The following PTPRQ variants were observed in gnomAD, a reference collection of about 807,000 sequenced individuals.
The protein encoded by PTPRQ is protein tyrosine phosphatase receptor type Q.
A neutral mutation model predicts 246.0 loss-of-function variants in PTPRQ; 199 were observed. The ratio of observed to expected loss-of-function variants is 0.81; its 90% CI spans 0.72 to 0.91. PTPRQ has a LOEUF of 0.91. PTPRQ is among the 40% of genes least tolerant of loss of function. The pLI is 0.00. For synonymous variants in PTPRQ, 869 were observed against 853.2 expected, an observed-to-expected ratio of 1.02 and a Z score of -0.32; for missense variants, 2,624 against 2,528.4, an observed-to-expected ratio of 1.04 and a Z score of -0.81.
At chr12:80,510,091 A>G (rs1409535479) in intron 16 of PTPRQ, among the ~76,000 whole-genome samples, 3 of 151,986 alleles carry the variant, frequency 2.0e-5, no homozygotes, top group Non-Finnish European at 4.4e-5. Flanking sequence ...CTTCTTTCTC[A>G]TGAAATATTT....
At position 80,472,089 on chromosome 12, in the gene PTPRQ, CT is replaced by C. The variant is rs1565728329; in HGVS notation, c.1040-14del. On this transcript the variant is annotated splice_polypyrimidine_tract_variant and intron_variant, in intron 7 of 44. Coordinates refer to ENST00000644991, the MANE Select transcript of PTPRQ (RefSeq NM_001145026.2). ...TTGATAAAAAATAATCCATAGCTAT[CT>C]TCCACTTTTTGCAGGTCGCATTTTG... 4 of 1,550,810 alleles carry C rather than the reference CT, an allele frequency of 2.6e-6. No individual in the cohort carries two copies. In the South Asian group the frequency reaches 3.6e-5, roughly 14 times the overall value.
chr12:80,621,871 C>T (rs905613113), intron 32 of PTPRQ, among the ~76,000 whole-genome samples, 190 bp from the exon 33 acceptor site: 4 of 151,898 alleles, frequency 2.6e-5, no homozygotes, highest in East Asian at 1.9e-4. Context: ...GGTCAAAGTA[C>T]GAGATAATTA....
intron 26 of PTPRQ, among the ~76,000 whole-genome samples, chr12:80,593,235 G>A (rs1897861666): frequency 6.6e-6 from 1 of 151,980 alleles, no homozygotes. Flanking sequence ...TGATTAATGG[G>A]TAGTTTGAAA....
Position 80,496,470 on chromosome 12 carries a change from C to A in PTPRQ, c.2211C>A (p.Tyr737Ter), listed in dbSNP as rs1300987237. ...HTLYNISVRS[Y>*]TRFGHGNQVS... is the part of the protein sequence containing the mutation. Reference sequence around the variant, plus strand: ...TCTATAACATTTCTGTAAGGTCTTACACCAGATTTGGTCATGGCAATCAGG... The same window carrying A: ...TCTATAACATTTCTGTAAGGTCTTAAACCAGATTTGGTCATGGCAATCAGG... The change falls in exon 14 of 45, where the codon TAC (tyrosine) becomes TAA (stop). Residue 737 changes from tyrosine (Y) to a stop codon, truncating the protein, a stop_gained. Coordinates refer to ENST00000644991, the MANE Select transcript of PTPRQ (RefSeq NM_001145026.2). LOFTEE classifies it high-confidence loss of function. 3.2e-6 allele frequency: 5 copies of A among 1,550,428 alleles called. No homozygotes were observed. The Admixed American group carries it at 7.9e-5, about 24-fold the overall frequency.
chr12:80,563,840 G>A (rs997741825), intron 25 of PTPRQ, among the ~76,000 whole-genome samples: 2 of 152,094 alleles, frequency 1.3e-5, no homozygotes, highest in Admixed American at 6.5e-5. Flanking sequence ...CTATTTTGCC[G>A]TCTCTGACAT....
intron 17 of PTPRQ, among the ~76,000 whole-genome samples, chr12:80,523,588 G>T (rs147202139): frequency 1.3e-5 from 2 of 152,302 alleles, no homozygotes; most frequent in South Asian, 2.1e-4. Flanking sequence ...TGGTTTCAAA[G>T]AACATCTTTA....
intron 6 of PTPRQ, chr12:80,465,075 T>C (rs1893341336): frequency 8.0e-6 from 1 of 125,050 alleles, no homozygotes; most frequent in African/African-American, 3.1e-5. Context: ...AGCTGGTTTT[T>C]TGAAAGGATC....
At chr12:80,614,184 A>G (rs181988384) in intron 29 of PTPRQ, among the ~76,000 whole-genome samples, 70 of 150,944 alleles carry the variant, frequency 4.6e-4, no homozygotes, top group Non-Finnish European at 5.2e-4. Context: ...TTAAAATGGA[A>G]AAGCAAATTT....
chr12:80,545,947 T>C (rs1896291475), intron 23 of PTPRQ, among the ~76,000 whole-genome samples: 1 of 151,906 alleles, frequency 6.6e-6, no homozygotes, highest in African/African-American at 2.4e-5. Flanking sequence ...TTGCAGACTG[T>C]AATTATGCAA....
chr12:80,454,431 T>C, intron 3 of PTPRQ: 2 of 658,164 alleles, frequency 3.0e-6, no homozygotes, highest in South Asian at 1.5e-5. Context: ...GTACCTCAGA[T>C]GGAAATGCAG....
At chr12:80,603,299 T>C (rs925770929) in intron 26 of PTPRQ, among the ~76,000 whole-genome samples, 2 of 151,692 alleles carry the variant, frequency 1.3e-5, no homozygotes, top group South Asian at 4.1e-4. Context: ...TTCAAATAAC[T>C]TAACTTTTTC....
intron 39 of PTPRQ, among the ~76,000 whole-genome samples, chr12:80,662,873 C>A (rs1655333092): frequency 6.6e-6 from 1 of 152,008 alleles, no homozygotes; most frequent in Non-Finnish European, 1.5e-5. Flanking sequence ...AGTTTCCTCT[C>A]AGAAAAACTC....
rs896253389 is a variant in PTPRQ, at chr12:80,679,164, A to C, written c.*141A>C. On this transcript the variant is annotated 3_prime_UTR_variant, in exon 45 of 45. Coordinates refer to ENST00000644991, the MANE Select transcript of PTPRQ (RefSeq NM_001145026.2). ...CACTGTGCCTTTCCAAACGGATTGA[A>C]CATTTTAAGACTAGTTCTTGAAAAT... 4 of 924,358 alleles carry C rather than the reference A, an allele frequency of 4.3e-6. No homozygotes were observed. The highest frequency in any genetic ancestry group is 3.4e-5 in the African/African-American group (2 of 59,104). 57.3% of individuals were successfully genotyped at this position (924,358 alleles called of 1,614,324 possible).
intron 39 of PTPRQ, among the ~76,000 whole-genome samples, 186 bp from the exon 40 acceptor site, chr12:80,668,821 G>C (rs1039171162): frequency 6.6e-6 from 1 of 151,466 alleles, no homozygotes; most frequent in Non-Finnish European, 1.5e-5. Flanking sequence ...TTGTTGTGTA[G>C]TATATCAGAT....
rs1737845017 is a variant in PTPRQ at position 80,678,666 on chromosome 12, C to A, written c.6803C>A (p.Pro2268His). Reference protein sequence around the residue: ...DLLSNKGSNQPICFVNYSALQ... With the variant: ...DLLSNKGSNQHICFVNYSALQ... ...TTATCAAATAAGGGAAGTAATCAGC[C>A]CATCTGTTTTGTTAACTATTCAGCA... Residue 2268 changes from proline (P) to histidine (H), a missense_variant, in exon 44 of 45, where the codon CCC becomes CAC. Transcript: ENST00000644991. 1 of 1,550,088 alleles carries A rather than the reference C, an allele frequency of 6.5e-7. No individual in the cohort carries two copies. Among genetic ancestry groups the A allele is most frequent in the African/African-American group, 1.4e-5 (1 of 72,966 alleles).
intron 35 of PTPRQ, among the ~76,000 whole-genome samples, chr12:80,645,524 A>T (rs1900041546): frequency 6.6e-6 from 1 of 151,508 alleles, no homozygotes; most frequent in Admixed American, 6.6e-5. Flanking sequence ...TACTGTGAAT[A>T]ATGTTATGAG....
chr12:80,474,485 A>T (rs1274047357), intron 8 of PTPRQ, among the ~76,000 whole-genome samples: 9 of 152,120 alleles, frequency 5.9e-5, no homozygotes, highest in Non-Finnish European at 1.5e-5. Flanking sequence ...ACCCCTGGGG[A>T]TGTTACGGTC....
chr12:80,573,004 A>T (rs1004512670), intron 25 of PTPRQ, among the ~76,000 whole-genome samples: 9 of 152,152 alleles, frequency 5.9e-5, no homozygotes, highest in African/African-American at 1.9e-4. Context: ...CATCAAAGTT[A>T]TACTACCCTA....
At chr12:80,648,474 T>G (rs1900149344) in intron 35 of PTPRQ, among the ~76,000 whole-genome samples, 1 of 152,122 alleles carries the variant, frequency 6.6e-6, no homozygotes, top group Non-Finnish European at 1.5e-5. Flanking sequence ...TTAACCAATG[T>G]GATGTCATGT....
Sources: allele counts gnomAD v4.1 joint callset (sites outside exome capture counted in the v4.1 genomes callset), GRCh38; gene constraint gnomAD v4.1.1; transcripts MANE v1.5; gene names NCBI Gene and HGNC (gene_info 2026-07-23, HGNC 2026-07-21).